RASSF2: variants seen among roughly 807,000 people sequenced by gnomAD.
The protein encoded by RASSF2 is Ras association domain family member 2.
RASSF2 carries 34 observed loss-of-function variants against 46.3 expected under a neutral mutation model. The ratio of observed to expected loss-of-function variants is 0.73; its 90% CI spans 0.56 to 0.98. The LOEUF (loss-of-function observed/expected upper bound fraction) is 0.98, where lower values mean the gene tolerates loss of function less well. RASSF2 is among the 50% of genes least tolerant of loss of function. The pLI, the probability that RASSF2 is intolerant of heterozygous loss-of-function variation, is 0.00. For synonymous variants in RASSF2, 158 were observed against 162.5 expected, an observed-to-expected ratio of 0.97 and a Z score of 0.21; for missense variants, 364 against 431.2, an observed-to-expected ratio of 0.84 and a Z score of 1.38.
Position 4,787,736 on chromosome 20 carries a change from G to A in RASSF2, c.710C>T (p.Ala237Val). 6.2e-7 allele frequency: 1 copy of A among 1,614,146 alleles called. No homozygotes were observed. The highest frequency in any genetic ancestry group is 8.5e-7 in the Non-Finnish European group (1 of 1,180,034). Reference sequence around the variant, plus strand: ...TCGGGCAATCAGCGGGTAATCGGTGGCCTTCAGCTTCTGTTTCTCTGCAAC... The same window carrying A: ...TCGGGCAATCAGCGGGTAATCGGTGACCTTCAGCTTCTGTTTCTCTGCAAC... ...HTSGEKQKLK[A>V]TDYPLIARIL... Residue 237 changes from alanine (A) to valine (V), a missense_variant, in exon 10 of 12, where the codon GCC (alanine) becomes GTC (valine). Physicochemically the swap from Ala to Val is moderately conservative, Grantham distance 64. Coordinates refer to ENST00000379400, the MANE Select transcript of RASSF2 (RefSeq NM_014737.3).
chr20:4,810,054 C>T (rs1437688045), intron 2 of RASSF2, among the ~76,000 whole-genome samples: 2 of 152,230 alleles, frequency 1.3e-5, no homozygotes, highest in African/African-American at 4.8e-5. Context: ...GCATCCATTA[C>T]ACCTGCTCCA....
intron 3 of RASSF2, 23 bp from the exon 4 acceptor site, chr20:4,798,108 A>G (rs2281639): frequency 0.14 from 229,977 of 1,612,312 alleles, 17,177 homozygotes; most frequent in African/African-American, 0.18. Context: ...AATAGAAGAG[A>G]TATAACATTA....
In RASSF2 at chr20:4,784,096, G is replaced by A; in HGVS notation, c.*177C>T. The A allele has an allele frequency of 1.5e-6, 1 of 645,776 alleles. No homozygotes were observed. The highest frequency in any genetic ancestry group is 1.9e-5 in the South Asian group (1 of 53,202). 40.0% of individuals were successfully genotyped at this position (645,776 alleles called of 1,614,324 possible). A position where few individuals can be genotyped will look rare whatever the true frequency, so the allele number is the denominator to read the frequency against. On this transcript the variant is annotated 3_prime_UTR_variant, in exon 12 of 12. Coordinates refer to ENST00000379400, the MANE Select transcript of RASSF2 (RefSeq NM_014737.3). ...CAGAAAAAAGGAGGGCAGGGGTCCA[G>A]GGATAGGGAGCTGTCTGCTGACTTC...
intron 2 of RASSF2, among the ~76,000 whole-genome samples, chr20:4,815,300 A>G (rs1928211725): frequency 6.6e-6 from 1 of 152,152 alleles, no homozygotes; most frequent in African/African-American, 2.4e-5. Flanking sequence ...GACTGTACAC[A>G]AAAGAGCCAT....
intron 2 of RASSF2, among the ~76,000 whole-genome samples, chr20:4,814,446 TGGTGCTATA>T (rs1344812507): frequency 6.6e-6 from 1 of 152,208 alleles, no homozygotes; most frequent in Non-Finnish European, 1.5e-5. Context: ...CTTCCTTTTT[TGGTGCTATA>T]GGCTGAGACT....
chr20:4,808,104 G>T (rs1174256675), intron 2 of RASSF2, among the ~76,000 whole-genome samples: 1 of 152,226 alleles, frequency 6.6e-6, no homozygotes, highest in Non-Finnish European at 1.5e-5. Flanking sequence ...CAGGAATGTG[G>T]ATTCAATTGG....
chr20:4,792,758 A>G, intron 5 of RASSF2, 131 bp from the exon 6 acceptor site: 2 of 1,449,852 alleles, frequency 1.4e-6, no homozygotes. Flanking sequence ...ACTGGCACAC[A>G]TCAGGTGATG....
Position 4,782,915 on chromosome 20 carries a change from T to C in RASSF2, c.*1358A>G, listed in dbSNP as rs1171192589. The stretch of plus-strand genomic sequence containing the variant: ...CATCTGTCTCCCTCCTCAAACGATA[T>C]CAGCTGCACTGATGCCCAGCTGCCT... On this transcript the variant is annotated 3_prime_UTR_variant, in exon 12 of 12. Transcript: ENST00000379400. The C allele has an allele frequency of 6.6e-6, 1 of 152,196 alleles. No individual in the cohort carries two copies. Among genetic ancestry groups the C allele is most frequent in the African/African-American group, 2.4e-5 (1 of 41,428 alleles). The allele number at this position is 152,196 out of a possible 1,614,324, so 9.4% of individuals were successfully genotyped here. A position where few individuals can be genotyped will look rare whatever the true frequency, so the allele number is the denominator to read the frequency against.
Position 4,789,697 on chromosome 20 carries a change from T to C in RASSF2, c.538A>G (p.Thr180Ala). 6.2e-7 allele frequency: 1 copy of C among 1,613,780 alleles called. No homozygotes were observed. The highest frequency in any genetic ancestry group is 8.5e-7 in the Non-Finnish European group (1 of 1,179,812). The change falls in exon 8 of 12, where the codon ACA becomes GCA. Residue 180 changes from threonine (T) to alanine (A), a missense_variant and splice_region_variant. Thr to Ala is a moderately conservative substitution (Grantham distance 58, BLOSUM62 0). Coordinates refer to ENST00000379400, the MANE Select transcript of RASSF2 (RefSeq NM_014737.3). ...SINGHFYNHK[T>A]SVFTPAYGSV... is the part of the protein sequence containing the mutation. ...CCATAGGCTGGTGTGAACACGGATG[T>C]CTGTCAATAGAAGGGCCCAGCTCAG...
chr20:4,798,030 A>G lies in RASSF2; in HGVS notation c.115T>C (p.Leu39=). ...TYNLYYEGQN[L]QLRHREEEDE... is the part of the protein sequence containing the mutation. The stretch of plus-strand genomic sequence containing the variant: ...CTTACCTCCCGGTGCCGGAGCTGTA[A>G]ATTCTGGCCTTCATAGTACAAGTTG... Residue 39 remains leucine (L), a synonymous_variant, in exon 4 of 12, where the codon TTA becomes CTA. Coordinates refer to ENST00000379400, the MANE Select transcript of RASSF2 (RefSeq NM_014737.3). 1 of 1,614,010 alleles carries G rather than the reference A, an allele frequency of 6.2e-7. No homozygotes were observed. The highest frequency in any genetic ancestry group is 8.5e-7 in the Non-Finnish European group (1 of 1,179,928).
At position 4,796,072 on chromosome 20, in the gene RASSF2, C is replaced by T. The variant is rs2423005; in HGVS notation, c.136-106G>A. 4 of 1,299,868 alleles carry T rather than the reference C, an allele frequency of 3.1e-6. No homozygotes were observed. The African/African-American group carries it at 4.6e-5, about 15-fold the overall frequency. The allele number at this position is 1,299,868 out of a possible 1,614,324, so 80.5% of individuals were successfully genotyped here. On this transcript the variant is annotated intron_variant, in intron 4 of 11. Coordinates refer to ENST00000379400, the MANE Select transcript of RASSF2 (RefSeq NM_014737.3). ...TTCTTCACATGTCCTGGCTGGGGGCCCCCAGACTGTATTCACAGGATAGGG... is the reference window on the plus strand; with the variant it reads ...TTCTTCACATGTCCTGGCTGGGGGCTCCCAGACTGTATTCACAGGATAGGG...
rs138427842 is a variant in RASSF2, at chr20:4,798,015, G to C, written c.130C>G (p.Arg44Gly). Residue 44 changes from arginine to glycine, a missense_variant, in exon 4 of 12, where the codon CGG (arginine) becomes GGG (glycine). Coordinates refer to ENST00000379400, the MANE Select transcript of RASSF2 (RefSeq NM_014737.3). ...CGTCCCTGGGGACTCCTTACCTCCC[G>C]GTGCCGGAGCTGTAAATTCTGGCCT... The part of the protein sequence containing the change: ...YEGQNLQLRH[R>G]EEEDEFIVEG... The C allele has an allele frequency of 9.2e-5, 148 of 1,613,676 alleles. 1 individual carries two copies. The highest frequency in any genetic ancestry group is 1.1e-4 in the Non-Finnish European group (133 of 1,179,878).
At position 4,797,998 on chromosome 20, in the gene RASSF2, G is replaced by A. The variant is rs1411149038; in HGVS notation, c.135+12C>T. On this transcript the variant is annotated intron_variant, in intron 4 of 11. Coordinates refer to ENST00000379400, the MANE Select transcript of RASSF2 (RefSeq NM_014737.3). ...GACTAGCCAATCAGGGCCGTCCCTG[G>A]GGACTCCTTACCTCCCGGTGCCGGA... 3 of 1,613,512 alleles carry A rather than the reference G, an allele frequency of 1.9e-6. No homozygotes were observed. The highest frequency in any genetic ancestry group is 2.5e-6 in the Non-Finnish European group (3 of 1,179,806).
chr20:4,805,111 G>T (rs545515967), intron 2 of RASSF2, among the ~76,000 whole-genome samples: 1 of 152,228 alleles, frequency 6.6e-6, no homozygotes, highest in African/African-American at 2.4e-5. Flanking sequence ...TGAGTGTGGA[G>T]GATGAAGAAT....
intron 2 of RASSF2, among the ~76,000 whole-genome samples, chr20:4,803,898 A>C (rs935682713): frequency 6.6e-6 from 1 of 152,128 alleles, no homozygotes; most frequent in Non-Finnish European, 1.5e-5. Flanking sequence ...ATCTCTACAA[A>C]AAATAAAAAA....
chr20:4,805,510 A>G (rs73588971), intron 2 of RASSF2, among the ~76,000 whole-genome samples: 5,683 of 152,118 alleles, frequency 0.037, 337 homozygotes, highest in African/African-American at 0.13. Context: ...AGACTTCTGG[A>G]CTCCAGAATA....
At chr20:4,808,111 T>C (rs1179813853) in intron 2 of RASSF2, among the ~76,000 whole-genome samples, 1 of 152,176 alleles carries the variant, frequency 6.6e-6, no homozygotes, top group Non-Finnish European at 1.5e-5. Context: ...GTGGATTCAA[T>C]TGGATTCAAC....
intron 10 of RASSF2, among the ~76,000 whole-genome samples, chr20:4,787,075 TA>T (rs1925423970): frequency 6.6e-6 from 1 of 151,340 alleles, no homozygotes; most frequent in Non-Finnish European, 1.5e-5. Flanking sequence ...AAAAAAAAGT[TA>T]AAAAATGGCT....
chr20:4,789,526 C>T, intron 8 of RASSF2, 70 bp downstream of exon 8: 9 of 1,350,538 alleles, frequency 6.7e-6, no homozygotes, highest in Non-Finnish European at 8.4e-6. Context: ...TAGCTCCTCG[C>T]ACAACCACTC....
Sources: gnomAD v4.1 joint callset for allele counts (sites outside exome capture counted in the v4.1 genomes callset) on GRCh38, gnomAD v4.1.1 for gene constraint, MANE v1.5 for transcripts, NCBI Gene and HGNC (gene_info 2026-07-23, HGNC 2026-07-21) for gene names.